Variants in CNKSR2 observed in about 807,000 individuals in gnomAD.
CNKSR2 encodes the protein connector enhancer of kinase suppressor of Ras 2.
CNKSR2 carries 14 observed loss-of-function variants against 84.4 expected under a neutral mutation model. The ratio of observed to expected loss-of-function variants is 0.17; its 90% CI spans 0.11 to 0.26. The LOEUF (loss-of-function observed/expected upper bound fraction) is 0.26. CNKSR2 is among the 10% of genes least tolerant of loss of function. The probability of loss-of-function intolerance (pLI) is 1.00; values close to 1 mark genes in which losing one functional copy is unlikely to be tolerated. For missense variants in CNKSR2, 485 were observed against 771.2 expected (o/e 0.63, Z 4.40); for synonymous variants, 275 against 277.9 (o/e 0.99, Z 0.10).
chrX:21,547,275 T>C lies in CNKSR2; in HGVS notation c.1304-14196T>C, dbSNP rs191755448. 3.3e-3 allele frequency among the ~76,000 whole-genome samples: 355 copies of C among 107,030 alleles called. 4 individuals carry two copies. Among genetic ancestry groups the C allele is most frequent in the African/African-American group, 0.011 (334 of 29,421 alleles). The allele number at this position is 107,030 out of a possible 115,157, so 92.9% of individuals were successfully genotyped here. On this transcript the variant is annotated intron_variant, in intron 11 of 21. Coordinates refer to ENST00000379510, the MANE Select transcript of CNKSR2 (RefSeq NM_014927.5). ...GAAAGCAAGAAAAAAAAAGCAGGAGTTGCAATCCTAGTCTCTGATAAAACA... is the reference window on the plus strand; with the variant it reads ...GAAAGCAAGAAAAAAAAAGCAGGAGCTGCAATCCTAGTCTCTGATAAAACA...
intron 4 of CNKSR2, among the ~76,000 whole-genome samples, chrX:21,462,165 A>G (rs2091069282): frequency 8.9e-6 from 1 of 111,777 alleles, no homozygotes; most frequent in Non-Finnish European, 1.9e-5. Context: ...TAATCCAAGA[A>G]CAAGCAATAT....
chrX:21,420,599 A>G (rs1450225121), intron 1 of CNKSR2, among the ~76,000 whole-genome samples: 2 of 110,661 alleles, frequency 1.8e-5, no homozygotes, highest in Admixed American at 9.6e-5. Context: ...TCAGGGCCCA[A>G]GGGCTCTTCA....
chrX:21,590,945 C>CT, intron 14 of CNKSR2, 77 bp from the exon 15 acceptor site: 1 of 880,192 alleles, frequency 1.1e-6, no homozygotes, highest in Non-Finnish European at 1.6e-6. Flanking sequence ...AGAACTCATA[C>CT]TTCTTTTTGG....
chrX:21,545,059 G>A (rs892295987), intron 11 of CNKSR2, among the ~76,000 whole-genome samples: 1 of 111,058 alleles, frequency 9.0e-6, no homozygotes, highest in African/African-American at 3.3e-5. Flanking sequence ...CCTGGAAAGG[G>A]GGCTGAAGCC....
intron 4 of CNKSR2, among the ~76,000 whole-genome samples, chrX:21,450,780 A>G (rs989440878): frequency 8.9e-5 from 10 of 111,791 alleles, no homozygotes; most frequent in African/African-American, 2.9e-4. Flanking sequence ...TCTGGAAGCT[A>G]GAGAGACTTT....
intron 12 of CNKSR2, among the ~76,000 whole-genome samples, 153 bp from the exon 13 acceptor site, chrX:21,563,085 G>T (rs112498233): frequency 2.3e-4 from 26 of 111,398 alleles, no homozygotes; most frequent in African/African-American, 8.1e-4. Flanking sequence ...AAATATATTA[G>T]ATTGGGGCAA....
At chrX:21,417,685 T>G (rs2090440656) in intron 1 of CNKSR2, among the ~76,000 whole-genome samples, 1 of 111,883 alleles carries the variant, frequency 8.9e-6, no homozygotes, top group South Asian at 3.7e-4. Flanking sequence ...GATTTTGTCT[T>G]GAAATCTATT....
Position 21,602,125 on chromosome X carries a change from TTTTG to T in CNKSR2, c.2044+800_2044+803del, listed in dbSNP as rs369571349. On this transcript the variant is annotated intron_variant, in intron 18 of 21. Transcript: ENST00000379510. ...TAAAATCTCAGCCAGGTTTTGTTTT[TTTTG>T]TTTGTTTGTTTGTTTGTTTGTTTTT... Among the ~76,000 whole-genome samples the T allele has an allele frequency of 3.2e-4, 35 of 110,827 alleles. 1 individual carries two copies. Among genetic ancestry groups the T allele is most frequent in the Admixed American group, 2.3e-3 (24 of 10,380 alleles).
chrX:21,485,773 T>G (rs2091377330), intron 5 of CNKSR2, among the ~76,000 whole-genome samples: 1 of 112,097 alleles, frequency 8.9e-6, no homozygotes, highest in African/African-American at 3.2e-5. Flanking sequence ...AGGCATATCA[T>G]TTACTATTCT....
intron 2 of CNKSR2, among the ~76,000 whole-genome samples, chrX:21,430,770 C>T (rs1439651289): frequency 9.0e-6 from 1 of 111,616 alleles, no homozygotes; most frequent in Non-Finnish European, 1.9e-5. Context: ...TAGAGAGCAT[C>T]TTTTATAAAC....
chrX:21,459,481 T>C (rs1213991664), intron 4 of CNKSR2, among the ~76,000 whole-genome samples: 1 of 110,945 alleles, frequency 9.0e-6, no homozygotes, highest in Non-Finnish European at 1.9e-5. Flanking sequence ...TCTCCTTTCT[T>C]CATATTTGTC....
rs974129589 is a variant in CNKSR2 at position 21,644,400 on chromosome X, G to A, written c.2693-4431G>A. On this transcript the variant is annotated intron_variant, in intron 20 of 21. Transcript: ENST00000379510. ...CCCAATTGGTTTACTTATTTGTTTT[G>A]TTTTCATTTTTTATGCTCCTTCAAC... 7 of 111,933 alleles carry A rather than the reference G, an allele frequency of 6.3e-5. No individual in the cohort carries two copies. The Admixed American group carries it at 6.7e-4, about 11-fold the overall frequency. The allele number at this position is 111,933 out of a possible 1,213,427, so 9.2% of individuals were successfully genotyped here.
chrX:21,556,066 A>C (rs1243894620), intron 11 of CNKSR2, among the ~76,000 whole-genome samples: 1 of 110,541 alleles, frequency 9.0e-6, no homozygotes, highest in East Asian at 2.8e-4. Context: ...CTTGCCTTAG[A>C]AGGAAGGAAG....
chrX:21,459,027 T>G (rs1482008710), intron 4 of CNKSR2, among the ~76,000 whole-genome samples: 1 of 103,216 alleles, frequency 9.7e-6, no homozygotes, highest in Non-Finnish European at 2.0e-5. Context: ...CCTTTTTTTT[T>G]TTTTTTTTTT....
intron 1 of CNKSR2, among the ~76,000 whole-genome samples, chrX:21,411,230 A>G (rs1002095850): frequency 3.6e-4 from 40 of 111,107 alleles, no homozygotes; most frequent in Non-Finnish European, 9.4e-5. Context: ...TCAGGAGACA[A>G]TGGATATAGT....
chrX:21,442,897 A>C (rs759775151), intron 4 of CNKSR2, among the ~76,000 whole-genome samples: 5 of 111,236 alleles, frequency 4.5e-5, no homozygotes, highest in Non-Finnish European at 9.4e-5. Flanking sequence ...AACTTAACAC[A>C]GGAACAGAAA....
chrX:21,611,632 T>C (rs1214096889), intron 20 of CNKSR2, among the ~76,000 whole-genome samples: 1 of 112,186 alleles, frequency 8.9e-6, no homozygotes, highest in Non-Finnish European at 1.9e-5. Flanking sequence ...TGTTGTTTAG[T>C]GGATTGGATT....
intron 1 of CNKSR2, among the ~76,000 whole-genome samples, chrX:21,408,965 A>T (rs774667871): frequency 9.3e-6 from 1 of 108,081 alleles, no homozygotes; most frequent in South Asian, 4.1e-4. Flanking sequence ...ATCATCTAAA[A>T]GTTAGTTCTT....
chrX:21,541,240 C>T (rs2091974445), intron 11 of CNKSR2, among the ~76,000 whole-genome samples: 1 of 111,572 alleles, frequency 9.0e-6, no homozygotes, highest in Non-Finnish European at 1.9e-5. Flanking sequence ...CTCAGCCTCC[C>T]AAGGTGCTGG....
Sources: gnomAD v4.1 joint callset for allele counts (sites outside exome capture counted in the v4.1 genomes callset) on GRCh38, gnomAD v4.1.1 for gene constraint, MANE v1.5 for transcripts, NCBI Gene and HGNC (gene_info 2026-07-23, HGNC 2026-07-21) for gene names.